The following CYP46A1 variants were observed in gnomAD, a reference collection of about 807,000 sequenced individuals.
CYP46A1 encodes the protein cytochrome P450 family 46 subfamily A member 1.
A neutral mutation model predicts 63.3 loss-of-function variants in CYP46A1; 20 were observed. That is an observed-to-expected ratio of 0.32 (90% CI 0.22 to 0.46). The LOEUF (loss-of-function observed/expected upper bound fraction) is 0.46, where lower values mean the gene tolerates loss of function less well. Ranked by LOEUF, CYP46A1 falls within the 20% of genes least tolerant of loss-of-function variation. The pLI is 1.00. For synonymous variants in CYP46A1, 268 were observed against 273.6 expected (o/e 0.98, Z 0.20); for missense variants, 445 against 670.8 (o/e 0.66, Z 3.72).
intron 10 of CYP46A1, among the ~76,000 whole-genome samples, chr14:99,718,725 G>C (rs1334695779): frequency 6.6e-6 from 1 of 152,144 alleles, no homozygotes; most frequent in Non-Finnish European, 1.5e-5. Flanking sequence ...CTGGGTGGGA[G>C]CTCTGGGGAG....
chr14:99,719,761 C>CTTTT (rs55891116), intron 10 of CYP46A1, among the ~76,000 whole-genome samples: 1 of 118,046 alleles, frequency 8.5e-6, no homozygotes, highest in Non-Finnish European at 1.8e-5. Flanking sequence ...TTTTTCTTTT[C>CTTTT]TTTTTTTTTT....
rs1354731913 is a variant in CYP46A1, at chr14:99,715,892, A to G, written c.776A>G (p.Gln259Arg). The G allele has an allele frequency of 6.2e-7, 1 of 1,613,358 alleles. No individual in the cohort carries two copies. Among genetic ancestry groups the G allele is most frequent in the Non-Finnish European group, 8.5e-7 (1 of 1,179,756 alleles). Reference sequence around the variant, plus strand: ...CGCCAGGTGGGCAGGGACTGGGTCCAGCGCCGCCGGGAAGCCCTGAAGAGG... The same window carrying G: ...CGCCAGGTGGGCAGGGACTGGGTCCGGCGCCGCCGGGAAGCCCTGAAGAGG... Reference protein sequence around the residue: ...FLRQVGRDWVQRRREALKRGE... With the variant: ...FLRQVGRDWVRRRREALKRGE... Residue 259 changes from glutamine (Q) to arginine (R), a missense_variant, in exon 8 of 15, where the codon CAG (glutamine) becomes CGG (arginine). This residue lies in a region of CYP46A1 where 252 missense variants were observed against 383.3 expected (regional missense o/e 0.66). Coordinates refer to ENST00000261835, the MANE Select transcript of CYP46A1 (RefSeq NM_006668.2).
intron 12 of CYP46A1, among the ~76,000 whole-genome samples, chr14:99,724,555 CA>C (rs2056877627): frequency 1.3e-5 from 2 of 152,226 alleles, no homozygotes; most frequent in Non-Finnish European, 2.9e-5. Flanking sequence ...GACTGGGCTC[CA>C]ACCCCACCTC....
intron 12 of CYP46A1, among the ~76,000 whole-genome samples, chr14:99,724,545 G>C (rs141472755): frequency 6.6e-6 from 1 of 152,358 alleles, no homozygotes; most frequent in African/African-American, 2.4e-5. Flanking sequence ...TGAGTGGGCA[G>C]ACTGGGCTCC....
chr14:99,684,320 G>A lies in CYP46A1; in HGVS notation c.-98G>A. 3.1e-6 allele frequency: 2 copies of A among 655,646 alleles called. No individual in the cohort carries two copies. Among genetic ancestry groups the A allele is most frequent in the Non-Finnish European group, 2.1e-6 (1 of 481,888 alleles). 40.6% of individuals were successfully genotyped at this position (655,646 alleles called of 1,614,324 possible). On this transcript the variant is annotated 5_prime_UTR_variant, in exon 1 of 15. Transcript: ENST00000261835. ...GCTGGGTCGCGCCTGGCCTGGGGCC[G>A]AGGCGGCGCGCGGCGCTGACAGCTG...
rs140168451 is a variant in CYP46A1, at chr14:99,723,830, G to T, written c.1177-1561G>T. On this transcript the variant is annotated intron_variant, in intron 12 of 14. Coordinates refer to ENST00000261835, the MANE Select transcript of CYP46A1 (RefSeq NM_006668.2). ...TTTACATTTTTCTTTTCAAAGTTGA[G>T]CTTGTAACTACCTGGAATTGATTTT... Among the ~76,000 whole-genome samples, 804 of 152,344 alleles carry T rather than the reference G, an allele frequency of 5.3e-3. 12 individuals carry two copies. The highest frequency in any genetic ancestry group is 0.018 in the African/African-American group (768 of 41,574).
At chr14:99,705,584 A>G (rs1043605391) in intron 5 of CYP46A1, among the ~76,000 whole-genome samples, 7 of 152,272 alleles carry the variant, frequency 4.6e-5, no homozygotes, top group African/African-American at 9.6e-5. Context: ...GAATAAGAAT[A>G]GGACAAAGAA....
In CYP46A1 at chr14:99,707,668, C is replaced by G. The variant is rs751475413; in HGVS notation, c.683C>G (p.Thr228Ser). Residue 228 changes from threonine to serine, a missense_variant, in exon 7 of 15, where the codon ACT (threonine) becomes AGT (serine). Transcript: ENST00000261835. ...GAGGGAATCACTGCGTCCCGCAACACTCTGGCAAAGGTACTGCCTCAGCAC... is the reference window on the plus strand; with the variant it reads ...GAGGGAATCACTGCGTCCCGCAACAGTCTGGCAAAGGTACTGCCTCAGCAC... ...MLEGITASRN[T>S]LAKFLPGKRK... 1.2e-6 allele frequency: 2 copies of G among 1,613,976 alleles called. No individual in the cohort carries two copies. Among genetic ancestry groups the G allele is most frequent in the East Asian group, 4.5e-5 (2 of 44,872 alleles).
At chr14:99,684,725 G>A in intron 1 of CYP46A1, 189 bp downstream of exon 1, 2 of 654,002 alleles carry the variant, frequency 3.1e-6, no homozygotes. Flanking sequence ...CAGCTGCTGG[G>A]CGCCCACCGC....
chr14:99,706,542 C>G (rs2056677749), intron 5 of CYP46A1, 105 bp from the exon 6 acceptor site: 1 of 1,479,880 alleles, frequency 6.8e-7, no homozygotes, highest in Non-Finnish European at 9.2e-7. Flanking sequence ...GAGGGACCAC[C>G]CACCTTCACT....
At chr14:99,714,307 T>G (rs189164642) in intron 7 of CYP46A1, among the ~76,000 whole-genome samples, 1 of 152,292 alleles carries the variant, frequency 6.6e-6, no homozygotes, top group East Asian at 1.9e-4. Flanking sequence ...TGGAAAACAG[T>G]GTGGAGGTTT....
chr14:99,684,860 C>A (rs934707420), intron 1 of CYP46A1: 1 of 439,020 alleles, frequency 2.3e-6, no homozygotes, highest in South Asian at 1.7e-5. Context: ...CAAGGTCACA[C>A]GGTTGGTAAG....
chr14:99,726,045 CG>C (rs1225352520), intron 13 of CYP46A1, 144 bp from the exon 14 acceptor site: 54 of 692,956 alleles, frequency 7.8e-5, no homozygotes, highest in Non-Finnish European at 5.1e-6. Flanking sequence ...GCAGAGTCAG[CG>C]GTTCATGCTT....
chr14:99,691,668 A>T, intron 2 of CYP46A1, 112 bp from the exon 3 acceptor site: 1 of 965,864 alleles, frequency 1.0e-6, no homozygotes, highest in Non-Finnish European at 1.7e-6. Context: ...TTTTGGTAGC[A>T]TGCATTGAGC....
intron 1 of CYP46A1, among the ~76,000 whole-genome samples, chr14:99,688,829 C>T (rs928909164): frequency 6.6e-6 from 1 of 152,122 alleles, no homozygotes; most frequent in Non-Finnish European, 1.5e-5. Flanking sequence ...CATGTTGTCG[C>T]ACCCAGCCGT....
chr14:99,695,997 C>T (rs936994430), intron 3 of CYP46A1, among the ~76,000 whole-genome samples: 3 of 152,000 alleles, frequency 2.0e-5, no homozygotes, highest in African/African-American at 7.2e-5. Flanking sequence ...TACTTTTAAC[C>T]TATCTGCATT....
At chr14:99,689,357 TAAAC>T (rs2056523707) in intron 1 of CYP46A1, among the ~76,000 whole-genome samples, 1 of 152,050 alleles carries the variant, frequency 6.6e-6, no homozygotes, top group South Asian at 2.1e-4. Context: ...ATAAAGAAGG[TAAAC>T]AAACCAATAA....
chr14:99,724,166 C>T (rs2056873896), intron 12 of CYP46A1, among the ~76,000 whole-genome samples: 2 of 152,168 alleles, frequency 1.3e-5, no homozygotes, highest in South Asian at 2.1e-4. Flanking sequence ...TTAATTACCT[C>T]GTTAAAGACC....
chr14:99,722,156 C>T lies in CYP46A1; in HGVS notation c.1176+90C>T, dbSNP rs1566836772. Reference sequence around the variant, plus strand: ...GGACTCACCAGGGGAGCCTGTGGCCCTGTTCCCATCATTGCAACGGGCCTC... The same window carrying T: ...GGACTCACCAGGGGAGCCTGTGGCCTTGTTCCCATCATTGCAACGGGCCTC... On this transcript the variant is annotated intron_variant, in intron 12 of 14. Coordinates refer to ENST00000261835, the MANE Select transcript of CYP46A1 (RefSeq NM_006668.2). The surrounding 1 kb of genome is among the most constrained non-coding windows in gnomAD (Gnocchi z 4.6). 5 of 922,064 alleles carry T rather than the reference C, an allele frequency of 5.4e-6. No homozygotes were observed. Among genetic ancestry groups the T allele is most frequent in the African/African-American group, 1.6e-5 (1 of 61,090 alleles). 57.1% of individuals were successfully genotyped at this position (922,064 alleles called of 1,614,324 possible). A position where few individuals can be genotyped will look rare whatever the true frequency, so the allele number is the denominator to read the frequency against.
Sources: allele counts gnomAD v4.1 joint callset (sites outside exome capture counted in the v4.1 genomes callset), GRCh38; gene constraint gnomAD v4.1.1; regional missense constraint gnomAD v4.1.1; non-coding constraint Gnocchi (gnomAD v3.1); transcripts MANE v1.5; gene names NCBI Gene and HGNC (gene_info 2026-07-23, HGNC 2026-07-21).